ATG13: variants seen among roughly 807,000 people sequenced by gnomAD.
ATG13 encodes autophagy related 13.
ATG13 carries 23 observed loss-of-function variants against 65.5 expected under a neutral mutation model. The ratio of observed to expected loss-of-function variants is 0.35; its 90% CI spans 0.25 to 0.50. The LOEUF is 0.50. Among genes scored for constraint, ATG13 ranks in the 20% least tolerant of loss-of-function variants. The probability of loss-of-function intolerance (pLI) is 0.98; values close to 1 mark genes in which losing one functional copy is unlikely to be tolerated. For synonymous variants in ATG13, 252 were observed against 245.2 expected (o/e 1.03, Z -0.26); for missense variants, 566 against 677.0 (o/e 0.84, Z 1.82).
At chr11:46,635,166 C>A (rs1002499928) in intron 2 of ATG13, among the ~76,000 whole-genome samples, 4 of 151,970 alleles carry the variant, frequency 2.6e-5, no homozygotes, top group South Asian at 2.1e-4. Context: ...GGCACCACTC[C>A]TGGCTAATTT....
Position 46,672,357 on chromosome 11 carries a change from C to T in ATG13, c.*25C>T. 2 of 1,614,062 alleles carry T rather than the reference C, an allele frequency of 1.2e-6. No individual in the cohort carries two copies. Among genetic ancestry groups the T allele is most frequent in the South Asian group, 1.1e-5 (1 of 91,082 alleles). On this transcript the variant is annotated 3_prime_UTR_variant, in exon 19 of 19. Coordinates refer to ENST00000683050, the MANE Select transcript of ATG13 (RefSeq NM_001346311.2). ...AAAGTATCCTTGAGTCCCAGCAGCA[C>T]CCCCTTTTTGTGGCCCCAGGGCATA...
chr11:46,650,248 C>T lies in ATG13; in HGVS notation c.389C>T (p.Ala130Val). The change falls in exon 7 of 19, where the codon GCT becomes GTT. Residue 130 changes from alanine (A) to valine (V), a missense_variant. Physicochemically the swap from Ala to Val is moderately conservative, Grantham distance 64 (BLOSUM62 0). Coordinates refer to ENST00000683050, the MANE Select transcript of ATG13 (RefSeq NM_001346311.2). Reference sequence around the variant, plus strand: ...TCATTGCTGCTGAAGTCCCTTCTTGCTATAACTAGGGTGACACCAGCCTAT... The same window carrying T: ...TCATTGCTGCTGAAGTCCCTTCTTGTTATAACTAGGGTGACACCAGCCTAT... ...RLSLLLKSLL[A>V]ITRVTPAYRL... 6.2e-7 allele frequency: 1 copy of T among 1,614,012 alleles called. No individual in the cohort carries two copies. Among genetic ancestry groups the T allele is most frequent in the Non-Finnish European group, 8.5e-7 (1 of 1,179,952 alleles).
intron 11 of ATG13, among the ~76,000 whole-genome samples, chr11:46,662,567 A>C (rs1307920919): frequency 6.6e-6 from 1 of 152,146 alleles, no homozygotes; most frequent in East Asian, 1.9e-4. Context: ...AATTCTTATC[A>C]ACAGTCTGCA....
intron 9 of ATG13, 144 bp from the exon 10 acceptor site, chr11:46,657,380 A>G: frequency 1.0e-6 from 1 of 959,388 alleles, no homozygotes; most frequent in Non-Finnish European, 1.6e-6. Context: ...AGAACGTAGG[A>G]TTGGTGGTTT....
intron 7 of ATG13, among the ~76,000 whole-genome samples, chr11:46,655,429 C>T (rs1592029329): frequency 6.6e-6 from 1 of 151,792 alleles, no homozygotes; most frequent in South Asian, 2.1e-4. Context: ...AAAAAACAGC[C>T]GGGCGTGGTG....
intron 12 of ATG13, 168 bp downstream of exon 12, chr11:46,664,263 A>G (rs2137010258): frequency 3.7e-6 from 2 of 538,936 alleles, no homozygotes; most frequent in East Asian, 3.2e-5. Context: ...CCAACAGCCT[A>G]AAATAGGGAA....
chr11:46,624,543 ATTAT>A (rs2048833988), intron 1 of ATG13, among the ~76,000 whole-genome samples: 1 of 150,928 alleles, frequency 6.6e-6, no homozygotes, highest in Non-Finnish European at 1.5e-5. Flanking sequence ...TGACGAGCCC[ATTAT>A]ATTATTAAAT....
At chr11:46,660,383 T>G (rs551501606) in intron 11 of ATG13, among the ~76,000 whole-genome samples, 1,454 of 80,134 alleles carry the variant, frequency 0.018, 7 homozygotes, top group Non-Finnish European at 0.033. Context: ...ACTGTTGTTG[T>G]TGGTTTTTTT....
intron 11 of ATG13, 52 bp from the exon 12 acceptor site, chr11:46,663,945 C>G: frequency 1.2e-4 from 95 of 763,156 alleles, no homozygotes; most frequent in Middle Eastern, 4.0e-4. Flanking sequence ...AGTCCCTTTT[C>G]TTTTTTTTTT....
intron 1 of ATG13, among the ~76,000 whole-genome samples, chr11:46,625,670 C>T (rs181039083): frequency 2.6e-5 from 4 of 152,136 alleles, no homozygotes; most frequent in Admixed American, 6.5e-5. Flanking sequence ...AGAGGAATTC[C>T]GCTGAGGGGA....
chr11:46,667,534 AAAG>A (rs1475855983), intron 14 of ATG13, among the ~76,000 whole-genome samples: 1 of 152,206 alleles, frequency 6.6e-6, no homozygotes, highest in Non-Finnish European at 1.5e-5. Context: ...ATTTGGAACT[AAAG>A]AAGAAGAAAA....
chr11:46,647,042 C>T (rs573115449), intron 5 of ATG13, among the ~76,000 whole-genome samples: 13 of 152,102 alleles, frequency 8.5e-5, no homozygotes, highest in South Asian at 4.2e-4. Flanking sequence ...TTACAGGGGT[C>T]GTGGTTTTTG....
chr11:46,663,265 CA>C (rs11422914), intron 11 of ATG13, among the ~76,000 whole-genome samples: 46 of 78,370 alleles, frequency 5.9e-4, no homozygotes, highest in African/African-American at 2.0e-3. Context: ...GACTCCATCT[CA>C]AAAAAAAAAA....
At position 46,672,434 on chromosome 11, in the gene ATG13, G is replaced by A; in HGVS notation, c.*102G>A. On this transcript the variant is annotated 3_prime_UTR_variant, in exon 19 of 19. Coordinates refer to ENST00000683050, the MANE Select transcript of ATG13 (RefSeq NM_001346311.2). ...CCACCCCTCATCCTGCTCTGAGCCA[G>A]GTGGAAGGGAGGCTGGCTTCTCCCA... is the stretch of plus-strand genomic sequence containing the variant. 2.5e-6 allele frequency: 4 copies of A among 1,595,148 alleles called. No individual in the cohort carries two copies. Among genetic ancestry groups the A allele is most frequent in the Non-Finnish European group, 3.4e-6 (4 of 1,169,632 alleles).
At position 46,668,409 on chromosome 11, in the gene ATG13, G is replaced by C. The variant is rs2062883736; in HGVS notation, c.1252-90G>C. 10 of 1,315,972 alleles carry C rather than the reference G, an allele frequency of 7.6e-6. No homozygotes were observed. The South Asian group carries it at 1.2e-4, about 16-fold the overall frequency. 81.5% of individuals were successfully genotyped at this position (1,315,972 alleles called of 1,614,324 possible). A position where few individuals can be genotyped will look rare whatever the true frequency, so the allele number is the denominator to read the frequency against. On this transcript the variant is annotated intron_variant, in intron 15 of 18. Transcript: ENST00000683050. ...ATGGTCAGCATAGCTGTGTGAACTT[G>C]CTGGACCTCTAGGCTTCTGGCAACC... is the stretch of plus-strand genomic sequence containing the variant.
At chr11:46,659,600 AAGGGGT>A (rs2060741278) in intron 11 of ATG13, 115 bp downstream of exon 11, 1 of 808,838 alleles carries the variant, frequency 1.2e-6, no homozygotes, top group African/African-American at 1.7e-5. Context: ...GATTGTTTCA[AAGGGGT>A]TACTTTGAGG....
chr11:46,667,721 G>A, intron 14 of ATG13, 52 bp from the exon 15 acceptor site: 1 of 1,423,394 alleles, frequency 7.0e-7, no homozygotes, highest in Non-Finnish European at 9.8e-7. Context: ...AGTGAACTAA[G>A]TCGTCCTGCT....
intron 17 of ATG13, 62 bp downstream of exon 17, chr11:46,668,972 A>T (rs1390693834): frequency 3.3e-5 from 43 of 1,304,048 alleles, no homozygotes; most frequent in Non-Finnish European, 3.6e-5. Context: ...AGAAGCATCT[A>T]CTGCACTTGA....
At chr11:46,646,080 C>A (rs2057447260) in intron 5 of ATG13, 91 bp downstream of exon 5, 1 of 1,497,842 alleles carries the variant, frequency 6.7e-7, no homozygotes, top group Admixed American at 2.0e-5. Context: ...ATTCCTGCCC[C>A]TTTCCTCTCT....
Sources: gnomAD v4.1 joint callset for allele counts (sites outside exome capture counted in the v4.1 genomes callset) on GRCh38, gnomAD v4.1.1 for gene constraint, MANE v1.5 for transcripts, NCBI Gene and HGNC (gene_info 2026-07-23, HGNC 2026-07-21) for gene names.